The following KAZN variants were observed in gnomAD, a reference collection of about 807,000 sequenced individuals.
KAZN encodes kazrin.
KAZN carries 40 observed loss-of-function variants against 87.4 expected under a neutral mutation model. The ratio of observed to expected loss-of-function variants is 0.46; its 90% confidence interval spans 0.36 to 0.60. KAZN has a LOEUF of 0.60. Among genes scored for constraint, KAZN ranks in the 20% least tolerant of loss-of-function variants. The probability of loss-of-function intolerance (pLI) is 0.00; values close to 1 mark genes in which losing one functional copy is unlikely to be tolerated. For missense variants in KAZN, 898 were observed against 1,073.9 expected, an observed-to-expected ratio of 0.84 and a Z score of 2.29; for synonymous variants, 466 against 458.3, an observed-to-expected ratio of 1.02 and a Z score of -0.22.
At chr1:14,414,453 T>G (rs370743581) in intron 2 of KAZN, among the ~76,000 whole-genome samples, 2 of 151,568 alleles carry the variant, frequency 1.3e-5, no homozygotes, top group African/African-American at 4.9e-5. Flanking sequence ...CATAATGTCA[T>G]ACAACAGTTA....
At chr1:14,148,354 T>C (rs1343851987) in intron 1 of KAZN, among the ~76,000 whole-genome samples, 1 of 152,238 alleles carries the variant, frequency 6.6e-6, no homozygotes, top group Non-Finnish European at 1.5e-5. Context: ...TGTTTTCACC[T>C]TCATCTTTTT....
intron 1 of KAZN, among the ~76,000 whole-genome samples, chr1:14,821,961 C>T (rs181975015): frequency 1.1e-4 from 16 of 152,286 alleles, no homozygotes; most frequent in African/African-American, 3.1e-4. Flanking sequence ...CCTCTTGCAT[C>T]GTGAAATACT....
chr1:14,474,884 G>C (rs1269424180), intron 2 of KAZN, among the ~76,000 whole-genome samples: 1 of 152,172 alleles, frequency 6.6e-6, no homozygotes, highest in Non-Finnish European at 1.5e-5. Context: ...TTAATTAATG[G>C]AAAGAATGGA....
intron 1 of KAZN, among the ~76,000 whole-genome samples, chr1:14,665,390 C>CA (rs1286431777): frequency 6.6e-6 from 1 of 152,000 alleles, no homozygotes; most frequent in Admixed American, 6.5e-5. Context: ...AAAGGAATGA[C>CA]ATTTATCGAC....
chr1:14,411,301 G>A (rs1486815947), intron 2 of KAZN, among the ~76,000 whole-genome samples: 3 of 152,108 alleles, frequency 2.0e-5, no homozygotes, highest in Admixed American at 6.5e-5. Flanking sequence ...AGGCAAGGCC[G>A]AATTTCTTTT....
chr1:14,254,895 G>A (rs903691106), intron 2 of KAZN, among the ~76,000 whole-genome samples: 5 of 151,914 alleles, frequency 3.3e-5, no homozygotes, highest in Non-Finnish European at 7.4e-5. Context: ...GGCTGAGGCG[G>A]GTGGATCAGG....
intron 1 of KAZN, among the ~76,000 whole-genome samples, chr1:13,917,857 T>A (rs1294855024): frequency 2.0e-5 from 3 of 150,668 alleles, no homozygotes; most frequent in African/African-American, 4.9e-5. Context: ...ACCTGTGCTC[T>A]ATAAATGGAA....
chr1:14,826,508 C>T (rs924547878), intron 1 of KAZN, among the ~76,000 whole-genome samples: 7 of 152,216 alleles, frequency 4.6e-5, no homozygotes, highest in African/African-American at 1.7e-4. Context: ...TACAGAGCGG[C>T]CTTGCTGCTC....
At chr1:13,920,612 C>T (rs1333601365) in intron 1 of KAZN, among the ~76,000 whole-genome samples, 1 of 152,122 alleles carries the variant, frequency 6.6e-6, no homozygotes, top group Non-Finnish European at 1.5e-5. Flanking sequence ...TGGTCAGGAG[C>T]CTTCTCTCTT....
At chr1:13,947,158 C>G (rs1013123948) in intron 1 of KAZN, among the ~76,000 whole-genome samples, 4 of 152,264 alleles carry the variant, frequency 2.6e-5, no homozygotes, top group African/African-American at 9.6e-5. Flanking sequence ...CACACAGTTC[C>G]TCAGGGCTGG....
chr1:14,090,622 G>A (rs1476571418), intron 1 of KAZN, among the ~76,000 whole-genome samples: 2 of 152,152 alleles, frequency 1.3e-5, no homozygotes, highest in African/African-American at 4.8e-5. Flanking sequence ...AACTAGGACT[G>A]ATTTGCCTCT....
intron 2 of KAZN, among the ~76,000 whole-genome samples, chr1:15,008,766 G>A (rs988133925): frequency 2.0e-5 from 3 of 152,086 alleles, no homozygotes; most frequent in Non-Finnish European, 4.4e-5. Flanking sequence ...GTTTCTCAAT[G>A]GTCCCTGTGG....
intron 1 of KAZN, chr1:13,893,791 A>G: frequency 6.5e-7 from 1 of 1,548,682 alleles, no homozygotes; most frequent in Non-Finnish European, 8.7e-7. Context: ...TGCCCAGAGA[A>G]TGGGAAGTGG....
chr1:13,896,138 C>T (rs1188363230), intron 1 of KAZN, among the ~76,000 whole-genome samples: 2 of 151,512 alleles, frequency 1.3e-5, no homozygotes, highest in Admixed American at 6.6e-5. Context: ...TGGTCTAGGG[C>T]AGGGGTTGAC....
intron 2 of KAZN, 43 bp downstream of exon 2, chr1:14,960,918 G>A (rs780606050): frequency 6.4e-7 from 1 of 1,564,858 alleles, no homozygotes; most frequent in South Asian, 1.2e-5. Context: ...GGGAGCTCAG[G>A]CCCCAGGGAT....
intron 2 of KAZN, among the ~76,000 whole-genome samples, chr1:14,290,626 C>T (rs1451703218): frequency 1.3e-5 from 2 of 152,112 alleles, no homozygotes; most frequent in Non-Finnish European, 2.9e-5. Flanking sequence ...TTTGAACATC[C>T]TCCTTCAGCT....
At chr1:14,706,213 C>T (rs139472978) in intron 1 of KAZN, among the ~76,000 whole-genome samples, 64 of 152,134 alleles carry the variant, frequency 4.2e-4, no homozygotes, top group African/African-American at 1.3e-3. Context: ...AAGCTCAGGG[C>T]TCCCATTGAT....
At chr1:14,508,720 A>G (rs1219668453) in intron 2 of KAZN, among the ~76,000 whole-genome samples, 1 of 152,320 alleles carries the variant, frequency 6.6e-6, no homozygotes, top group African/African-American at 2.4e-5. Context: ...AAAGCCCAGT[A>G]TAAGAGTAAT....
At chr1:14,361,330 C>A (rs1659493810) in intron 2 of KAZN, among the ~76,000 whole-genome samples, 1 of 152,206 alleles carries the variant, frequency 6.6e-6, no homozygotes, top group Non-Finnish European at 1.5e-5. Flanking sequence ...GCTGTGCTGG[C>A]AGTGAGAATT....
Sources: gnomAD v4.1 joint callset for allele counts (sites outside exome capture counted in the v4.1 genomes callset) on GRCh38, gnomAD v4.1.1 for gene constraint, MANE v1.5 for transcripts, NCBI Gene and HGNC (gene_info 2026-07-23, HGNC 2026-07-21) for gene names.